TBC1D32: variants seen among roughly 807,000 people sequenced by gnomAD.
TBC1D32 encodes the protein protein broad-minded.
TBC1D32 carries 151 observed loss-of-function variants against 170.3 expected under a neutral mutation model. The observed-to-expected ratio is 0.89, with a 90% CI of 0.78 to 1.01. The LOEUF (loss-of-function observed/expected upper bound fraction) is 1.01. Ranked by LOEUF, TBC1D32 falls within the 50% of genes least tolerant of loss-of-function variation. The pLI, the probability that TBC1D32 is intolerant of heterozygous loss-of-function variation, is 0.00. For missense variants in TBC1D32, 1,464 were observed against 1,457.1 expected, an observed-to-expected ratio of 1.00 and a Z score of -0.08; for synonymous variants, 498 against 488.0, an observed-to-expected ratio of 1.02 and a Z score of -0.27.
At chr6:121,325,945 CA>C (rs1477179729) in intron 1 of TBC1D32, among the ~76,000 whole-genome samples, 1 of 152,118 alleles carries the variant, frequency 6.6e-6, no homozygotes, top group Non-Finnish European at 1.5e-5. Context: ...ACAACTCCAT[CA>C]AAAAGTGGGT....
chr6:121,126,518 G>T, intron 25 of TBC1D32, 57 bp from the exon 26 acceptor site: 1 of 1,276,372 alleles, frequency 7.8e-7, no homozygotes. Context: ...ATGTGACAAT[G>T]CATCCTTAAA....
intron 12 of TBC1D32, among the ~76,000 whole-genome samples, chr6:121,284,498 C>G (rs1442655235): frequency 6.6e-6 from 1 of 152,054 alleles, no homozygotes; most frequent in East Asian, 1.9e-4. Flanking sequence ...CACAAAACAC[C>G]CTTTTCTGAA....
intron 21 of TBC1D32, among the ~76,000 whole-genome samples, chr6:121,215,778 T>C (rs1048023691): frequency 6.6e-6 from 1 of 152,106 alleles, no homozygotes; most frequent in Non-Finnish European, 1.5e-5. Context: ...ATTAGAGACA[T>C]GCAAATCAAA....
intron 5 of TBC1D32, among the ~76,000 whole-genome samples, chr6:121,306,177 C>T (rs991217798): frequency 2.0e-5 from 3 of 152,066 alleles, no homozygotes; most frequent in African/African-American, 7.2e-5. Context: ...GTCTACAATA[C>T]CCTCTGGTGT....
At chr6:121,143,690 A>T (rs1783082079) in intron 24 of TBC1D32, among the ~76,000 whole-genome samples, 1 of 152,220 alleles carries the variant, frequency 6.6e-6, no homozygotes. Flanking sequence ...TTGCTGTTAA[A>T]ATAACTTTGG....
intron 10 of TBC1D32, among the ~76,000 whole-genome samples, chr6:121,297,795 A>T (rs1269498393): frequency 6.6e-6 from 1 of 152,104 alleles, no homozygotes; most frequent in Non-Finnish European, 1.5e-5. Context: ...ACAGTTTCTC[A>T]TTTACTCTAG....
In TBC1D32 at chr6:121,112,595, C is replaced by T. The variant is rs1475837341; in HGVS notation, c.3234G>A (p.Leu1078=). 2.5e-6 allele frequency: 4 copies of T among 1,610,574 alleles called. No homozygotes were observed. Among genetic ancestry groups the T allele is most frequent in the African/African-American group, 1.3e-5 (1 of 74,806 alleles). The part of the protein sequence containing the change: ...WFVSSLFMIM[L]GDKEKTFQFL... ...ATTGGAATGTTTTTTCTTTGTCTCCCAACATTATCATGAACAGAGAAGATA... is the reference window on the plus strand; with the variant it reads ...ATTGGAATGTTTTTTCTTTGTCTCCTAACATTATCATGAACAGAGAAGATA... Residue 1078 remains leucine, a synonymous_variant, in exon 29 of 32, where the codon TTG becomes TTA. Coordinates refer to ENST00000398212, the MANE Select transcript of TBC1D32 (RefSeq NM_152730.6).
At chr6:121,124,096 T>A (rs1182304318) in intron 26 of TBC1D32, among the ~76,000 whole-genome samples, 2 of 152,056 alleles carry the variant, frequency 1.3e-5, no homozygotes, top group Non-Finnish European at 2.9e-5. Flanking sequence ...TGTCTTTTAG[T>A]CTTCTTAGTA....
chr6:121,220,447 G>A (rs776695463), intron 21 of TBC1D32, among the ~76,000 whole-genome samples: 1 of 152,068 alleles, frequency 6.6e-6, no homozygotes, highest in Non-Finnish European at 1.5e-5. Context: ...TACGAAGGCT[G>A]AGAGAAATGA....
chr6:121,085,296 C>CATAT (rs1278951623), intron 31 of TBC1D32, among the ~76,000 whole-genome samples: 2 of 140,754 alleles, frequency 1.4e-5, no homozygotes, highest in East Asian at 2.1e-4. Context: ...TACATATATA[C>CATAT]ATACATATAT....
intron 22 of TBC1D32, among the ~76,000 whole-genome samples, chr6:121,195,588 T>G (rs1790618212): frequency 6.6e-6 from 1 of 152,088 alleles, no homozygotes; most frequent in Admixed American, 6.6e-5. Context: ...CTCGAGCAGG[T>G]CCTGAAGGCA....
At chr6:121,113,289 C>T (rs1779372438) in intron 27 of TBC1D32, 112 bp from the exon 28 acceptor site, 3 of 610,512 alleles carry the variant, frequency 4.9e-6, no homozygotes, top group African/African-American at 3.8e-5. Context: ...AAGATTAGCT[C>T]TCAATACATG....
intron 15 of TBC1D32, among the ~76,000 whole-genome samples, chr6:121,266,618 T>C (rs1800521327): frequency 6.6e-6 from 1 of 152,100 alleles, no homozygotes; most frequent in Non-Finnish European, 1.5e-5. Context: ...GACATGTATG[T>C]TTACTGCAGC....
At chr6:121,315,771 CT>C (rs1808844598) in intron 3 of TBC1D32, among the ~76,000 whole-genome samples, 1 of 152,106 alleles carries the variant, frequency 6.6e-6, no homozygotes, top group Admixed American at 6.6e-5. Context: ...TTCAGCCTCT[CT>C]TTGGTCAGCT....
At position 121,223,319 on chromosome 6, in the gene TBC1D32, G is replaced by A. The variant is rs909430979; in HGVS notation, c.2398C>T (p.Pro800Ser). Residue 800 changes from proline (P) to serine (S), a missense_variant, in exon 21 of 32, where the codon CCT (proline) becomes TCT (serine). Pro to Ser is a moderately conservative substitution (Grantham distance 74, BLOSUM62 -1). Around this residue, in one of 3 missense-constraint regions of TBC1D32, gnomAD observed 1,363 missense variants for 1,338.1 expected, o/e 1.02. Coordinates refer to ENST00000398212, the MANE Select transcript of TBC1D32 (RefSeq NM_152730.6). ...FLALVNLLSY[P>S]AIYELVRNQD... ...TTCCTTACAAGCTCATAAATAGCAG[G>A]ATAGGATAACAAGTTCACCAGTGCT... 6.3e-7 allele frequency: 1 copy of A among 1,596,096 alleles called. No individual in the cohort carries two copies. Among genetic ancestry groups the A allele is most frequent in the East Asian group, 2.3e-5 (1 of 43,884 alleles).
chr6:121,087,696 T>A (rs1397953504), intron 31 of TBC1D32, among the ~76,000 whole-genome samples: 1 of 152,314 alleles, frequency 6.6e-6, no homozygotes, highest in South Asian at 2.1e-4. Flanking sequence ...AGATGCTTGA[T>A]CTATTTATTT....
At chr6:121,259,991 C>T (rs1429319137) in intron 15 of TBC1D32, among the ~76,000 whole-genome samples, 2 of 152,094 alleles carry the variant, frequency 1.3e-5, no homozygotes, top group African/African-American at 4.8e-5. Context: ...GACCCATCAC[C>T]ATTTCCACCC....
intron 22 of TBC1D32, among the ~76,000 whole-genome samples, chr6:121,179,599 T>A (rs1276051529): frequency 1.3e-5 from 2 of 151,994 alleles, no homozygotes; most frequent in Non-Finnish European, 2.9e-5. Context: ...ATAAATAAAG[T>A]CAAAGCACCT....
intron 13 of TBC1D32, among the ~76,000 whole-genome samples, chr6:121,283,489 GA>G (rs905091232): frequency 3.5e-4 from 53 of 150,426 alleles, no homozygotes; most frequent in South Asian, 1.0e-3. Flanking sequence ...AAAATAACAG[GA>G]AAAAAAAATC....
Sources: gnomAD v4.1 joint callset for allele counts (sites outside exome capture counted in the v4.1 genomes callset) on GRCh38, gnomAD v4.1.1 for gene constraint, gnomAD v4.1.1 regional missense constraint, MANE v1.5 for transcripts, NCBI Gene and HGNC (gene_info 2026-07-23, HGNC 2026-07-21) for gene names.